The following GALNTL6 variants were observed in gnomAD, a reference collection of about 807,000 sequenced individuals.
GALNTL6 encodes the protein polypeptide N-acetylgalactosaminyltransferase like 6, also known as polypeptide N-acetylgalactosaminyltransferase-like 6.
GALNTL6 carries 46 observed loss-of-function variants against 73.7 expected under a neutral mutation model. The ratio of observed to expected loss-of-function variants is 0.62; its 90% CI spans 0.49 to 0.80. GALNTL6 has a LOEUF of 0.80. Ranked by LOEUF, GALNTL6 falls within the 30% of genes least tolerant of loss-of-function variation. The pLI is 0.00. For synonymous variants in GALNTL6, 259 were observed against 263.7 expected, an observed-to-expected ratio of 0.98 and a Z score of 0.17; for missense variants, 604 against 755.0, an observed-to-expected ratio of 0.80 and a Z score of 2.34.
At chr4:171,909,596 A>G (rs932459750) in intron 2 of GALNTL6, among the ~76,000 whole-genome samples, 5 of 152,206 alleles carry the variant, frequency 3.3e-5, no homozygotes, top group Admixed American at 1.3e-4. Context: ...TGAGGACGGT[A>G]GAAAAATCCA....
chr4:173,015,541 G>T (rs763807780), intron 11 of GALNTL6, among the ~76,000 whole-genome samples: 3 of 152,336 alleles, frequency 2.0e-5, no homozygotes, highest in South Asian at 2.1e-4. Flanking sequence ...TGAAGAACTT[G>T]TTGGGAACTG....
chr4:172,294,075 A>G (rs991185863), intron 3 of GALNTL6, among the ~76,000 whole-genome samples: 2 of 151,646 alleles, frequency 1.3e-5, no homozygotes, highest in Non-Finnish European at 1.5e-5. Context: ...TCTTCTTACA[A>G]TGCTACAAAT....
chr4:172,487,315 TTTC>T lies in GALNTL6; in HGVS notation c.553+138629_553+138631del, dbSNP rs1579119605. On this transcript the variant is annotated intron_variant, in intron 5 of 12. Coordinates refer to ENST00000506823, the MANE Select transcript of GALNTL6 (RefSeq NM_001034845.3). ...CTTTCCTTCTGTCTTTCTTTCTTTC[TTTC>T]TTTCTTTCTTTCTTTCTTTCTTTCT... Among the ~76,000 whole-genome samples the T allele has an allele frequency of 7.6e-5, 9 of 118,776 alleles. No homozygotes were observed. In the East Asian group the frequency reaches 1.9e-3, roughly 25 times the overall value. The allele number at this position is 118,776 out of a possible 152,430, so 77.9% of individuals were successfully genotyped here. A position where few individuals can be genotyped will look rare whatever the true frequency, so the allele number is the denominator to read the frequency against.
intron 2 of GALNTL6, among the ~76,000 whole-genome samples, chr4:172,000,022 ATGGTCCTGCACCTG>A (rs1444575991): frequency 6.6e-6 from 1 of 152,168 alleles, no homozygotes; most frequent in Non-Finnish European, 1.5e-5. Context: ...TCAAATCATG[ATGGTCCTGCACCTG>A]TGGTAGCATC....
At chr4:172,001,228 G>C (rs138850169) in intron 2 of GALNTL6, among the ~76,000 whole-genome samples, 232 of 152,266 alleles carry the variant, frequency 1.5e-3, no homozygotes, top group African/African-American at 5.1e-3. Flanking sequence ...AAAGAAGTTA[G>C]TTATCATCCC....
At chr4:172,677,679 T>C (rs1194203455) in intron 5 of GALNTL6, among the ~76,000 whole-genome samples, 2 of 151,930 alleles carry the variant, frequency 1.3e-5, no homozygotes, top group Non-Finnish European at 2.9e-5. Context: ...TCCCAGCACT[T>C]TGGGAGGCCG....
At chr4:171,829,697 C>T (rs1734915735) in intron 2 of GALNTL6, among the ~76,000 whole-genome samples, 1 of 152,084 alleles carries the variant, frequency 6.6e-6, no homozygotes, top group East Asian at 1.9e-4. Context: ...TTTTTCTGCC[C>T]TTATAACGGT....
rs74382781 is a variant in GALNTL6 at position 172,331,623 on chromosome 4, C to G, written c.387-16900C>G. On this transcript the variant is annotated intron_variant, in intron 4 of 12. Coordinates refer to ENST00000506823, the MANE Select transcript of GALNTL6 (RefSeq NM_001034845.3). ...TTTAGGTACCTCATTTAAGATAAATCATGCAGTATTTATTTTTCTGAGACT... is the reference window on the plus strand; with the variant it reads ...TTTAGGTACCTCATTTAAGATAAATGATGCAGTATTTATTTTTCTGAGACT... Among the ~76,000 whole-genome samples the G allele has an allele frequency of 3.7e-3, 566 of 152,262 alleles. 2 individuals are homozygous for G. The highest frequency in any genetic ancestry group is 0.013 in the African/African-American group (521 of 41,552).
intron 10 of GALNTL6, among the ~76,000 whole-genome samples, chr4:173,004,401 C>G (rs186487901): frequency 1.3e-5 from 2 of 152,146 alleles, no homozygotes; most frequent in Admixed American, 6.5e-5. Context: ...GCCAAGGCAG[C>G]GGATCATCTG....
At chr4:172,935,526 G>A (rs951458822) in intron 9 of GALNTL6, among the ~76,000 whole-genome samples, 29 of 151,998 alleles carry the variant, frequency 1.9e-4, no homozygotes, top group Admixed American at 7.9e-4. Context: ...AAAATAGGTA[G>A]ACTGCTAGCT....
intron 2 of GALNTL6, among the ~76,000 whole-genome samples, chr4:171,971,729 A>T (rs1256420093): frequency 6.6e-6 from 1 of 152,202 alleles, no homozygotes; most frequent in Non-Finnish European, 1.5e-5. Context: ...TTTGAATATT[A>T]TAAAAAAATA....
intron 2 of GALNTL6, among the ~76,000 whole-genome samples, chr4:172,047,397 G>A (rs2110851457): frequency 6.6e-6 from 1 of 152,152 alleles, no homozygotes; most frequent in East Asian, 1.9e-4. Flanking sequence ...ATCAGAAATG[G>A]GAGACTGCAC....
rs950410677 is a variant in GALNTL6, at chr4:172,311,879, A to G, written c.386+127A>G. ...TTTTATCCTAATAATTTTGATAAAA[A>G]CTCATATTGCATCATCTTAAATATA... On this transcript the variant is annotated intron_variant, in intron 4 of 12. Transcript: ENST00000506823. 1.6e-5 allele frequency: 10 copies of G among 635,858 alleles called. No homozygotes were observed. In the Admixed American group the frequency reaches 3.0e-4, roughly 19 times the overall value. 39.4% of individuals were successfully genotyped at this position (635,858 alleles called of 1,614,324 possible). A position where few individuals can be genotyped will look rare whatever the true frequency, so the allele number is the denominator to read the frequency against.
At chr4:172,987,862 T>C (rs1751360124) in intron 10 of GALNTL6, among the ~76,000 whole-genome samples, 1 of 152,222 alleles carries the variant, frequency 6.6e-6, no homozygotes, top group Non-Finnish European at 1.5e-5. Flanking sequence ...TCCAGCCTAC[T>C]ACAATTCCTA....
intron 5 of GALNTL6, among the ~76,000 whole-genome samples, chr4:172,717,635 G>A (rs1735188599): frequency 6.6e-6 from 1 of 152,180 alleles, no homozygotes; most frequent in Admixed American, 6.5e-5. Flanking sequence ...GCACTACTAT[G>A]TGTATAGGAT....
intron 5 of GALNTL6, among the ~76,000 whole-genome samples, chr4:172,693,353 T>A (rs528897653): frequency 6.6e-6 from 1 of 152,316 alleles, no homozygotes; most frequent in East Asian, 1.9e-4. Flanking sequence ...TCCAAATATC[T>A]TGCTAATCCC....
intron 7 of GALNTL6, among the ~76,000 whole-genome samples, chr4:172,836,463 C>T (rs1234979734): frequency 1.3e-5 from 2 of 152,260 alleles, no homozygotes; most frequent in Admixed American, 6.5e-5. Flanking sequence ...TTTTATCAAC[C>T]TGTGTTTGGA....
chr4:172,006,511 C>T (rs150817614), intron 2 of GALNTL6, among the ~76,000 whole-genome samples: 103 of 152,096 alleles, frequency 6.8e-4, no homozygotes, highest in African/African-American at 2.2e-3. Context: ...CCTGCAGTCC[C>T]AGCTACTCGG....
chr4:172,434,508 A>G (rs535535548), intron 5 of GALNTL6, among the ~76,000 whole-genome samples: 5 of 152,268 alleles, frequency 3.3e-5, no homozygotes, highest in African/African-American at 1.2e-4. Context: ...TGCTTGAAAA[A>G]CTAAGCAGTA....
Sources: allele counts gnomAD v4.1 joint callset (sites outside exome capture counted in the v4.1 genomes callset), GRCh38; gene constraint gnomAD v4.1.1; transcripts MANE v1.5; gene names NCBI Gene and HGNC (gene_info 2026-07-23, HGNC 2026-07-21).